The following AGBL4 variants were observed in gnomAD, a reference collection of about 807,000 sequenced individuals.
The protein encoded by AGBL4 is cytosolic carboxypeptidase 6.
Under a neutral mutation model 66.4 loss-of-function variants are expected in AGBL4, and 58 were observed. That is an observed-to-expected ratio of 0.87 (90% confidence interval 0.71 to 1.09). AGBL4 has a LOEUF of 1.09. AGBL4 is among the 50% of genes least tolerant of loss of function. The pLI is 0.00. For missense variants in AGBL4, 579 were observed against 631.0 expected, an observed-to-expected ratio of 0.92 and a Z score of 0.88; for synonymous variants, 234 against 222.9, an observed-to-expected ratio of 1.05 and a Z score of -0.44.
At chr1:49,586,573 A>G (rs542657872) in intron 3 of AGBL4, among the ~76,000 whole-genome samples, 2 of 152,310 alleles carry the variant, frequency 1.3e-5, no homozygotes, top group South Asian at 2.1e-4. Context: ...AATTTATACA[A>G]TTAGATAAAA....
chr1:48,572,611 C>T (rs1337734786), intron 11 of AGBL4, among the ~76,000 whole-genome samples: 4 of 151,470 alleles, frequency 2.6e-5, no homozygotes, highest in African/African-American at 4.9e-5. Flanking sequence ...GAAAACAAAA[C>T]GGGGAATGAA....
At chr1:48,638,425 T>C (rs1200918812) in intron 8 of AGBL4, among the ~76,000 whole-genome samples, 1 of 152,254 alleles carries the variant, frequency 6.6e-6, no homozygotes, top group Non-Finnish European at 1.5e-5. Context: ...CCACTCTGAC[T>C]TTCTGGATTG....
intron 3 of AGBL4, among the ~76,000 whole-genome samples, chr1:49,617,532 A>C (rs890897067): frequency 3.3e-5 from 5 of 152,300 alleles, no homozygotes; most frequent in Admixed American, 1.3e-4. Flanking sequence ...TGTGATTCTA[A>C]AGTTTATGTT....
chr1:49,258,653 A>G (rs1009148578), intron 3 of AGBL4, among the ~76,000 whole-genome samples: 2 of 152,262 alleles, frequency 1.3e-5, no homozygotes, highest in African/African-American at 4.8e-5. Context: ...ATATGGGACT[A>G]TGTGAAAATA....
At chr1:49,514,156 C>A (rs1007840661) in intron 3 of AGBL4, among the ~76,000 whole-genome samples, 1 of 151,856 alleles carries the variant, frequency 6.6e-6, no homozygotes, top group Non-Finnish European at 1.5e-5. Flanking sequence ...ACAATCATGT[C>A]ATCTGCAAAC....
chr1:49,565,750 A>T (rs1000695485), intron 3 of AGBL4, among the ~76,000 whole-genome samples: 7 of 150,106 alleles, frequency 4.7e-5, no homozygotes, highest in Admixed American at 2.7e-4. Context: ...TTTCCATTTC[A>T]TCTTTGGTGA....
At chr1:48,558,550 C>T (rs753633342) in intron 11 of AGBL4, among the ~76,000 whole-genome samples, 2 of 152,180 alleles carry the variant, frequency 1.3e-5, no homozygotes, top group African/African-American at 2.4e-5. Flanking sequence ...TGGCATATGG[C>T]CCATACCTGA....
chr1:48,817,665 C>T (rs1375189663), intron 6 of AGBL4: 1 of 206,002 alleles, frequency 4.9e-6, no homozygotes, highest in African/African-American at 2.3e-5. Flanking sequence ...CTTTGGTCAA[C>T]TAGAATCCCA....
chr1:48,819,478 C>A (rs1646262526), intron 6 of AGBL4, among the ~76,000 whole-genome samples: 1 of 152,094 alleles, frequency 6.6e-6, no homozygotes, highest in Admixed American at 6.6e-5. Context: ...GAGTCATATG[C>A]CAAGAAGGTC....
chr1:49,844,362 C>T (rs777619343), intron 2 of AGBL4, among the ~76,000 whole-genome samples: 4 of 152,194 alleles, frequency 2.6e-5, no homozygotes, highest in Admixed American at 6.5e-5. Context: ...TCTCCCTGGG[C>T]ATCCCCTCTG....
intron 4 of AGBL4, among the ~76,000 whole-genome samples, chr1:49,147,148 G>A (rs2148111152): frequency 6.6e-6 from 1 of 152,240 alleles, no homozygotes; most frequent in Non-Finnish European, 1.5e-5. Context: ...AGAAATATCT[G>A]CTAGTCTTAA....
intron 9 of AGBL4, among the ~76,000 whole-genome samples, chr1:48,626,408 G>A (rs745935893): frequency 3.9e-5 from 6 of 152,314 alleles, no homozygotes; most frequent in East Asian, 3.9e-4. Context: ...GGAAACTAAC[G>A]TTTATGGAGT....
intron 1 of AGBL4, among the ~76,000 whole-genome samples, chr1:50,014,431 C>T (rs968887964): frequency 6.6e-6 from 1 of 151,724 alleles, no homozygotes. Context: ...TTGCTTTGGA[C>T]CTGCTCTAAT....
intron 8 of AGBL4, among the ~76,000 whole-genome samples, chr1:48,642,414 A>G (rs1413495446): frequency 1.3e-5 from 2 of 151,862 alleles, no homozygotes; most frequent in Admixed American, 6.6e-5. Context: ...CAGAGCATAT[A>G]CTCCAGGGAT....
intron 8 of AGBL4, among the ~76,000 whole-genome samples, chr1:48,650,120 G>C (rs1014786157): frequency 1.3e-5 from 2 of 152,208 alleles, no homozygotes; most frequent in African/African-American, 4.8e-5. Context: ...CTCAGGGCAG[G>C]CCTGTCTTTG....
intron 5 of AGBL4, among the ~76,000 whole-genome samples, chr1:48,973,730 T>C (rs565105094): frequency 6.6e-6 from 1 of 152,284 alleles, no homozygotes; most frequent in East Asian, 1.9e-4. Flanking sequence ...CCTAGACATA[T>C]CTTACTGCAT....
chr1:49,257,586 C>T (rs560463687), intron 3 of AGBL4: 2 of 152,864 alleles, frequency 1.3e-5, no homozygotes, highest in African/African-American at 4.8e-5. Context: ...CTTTCCTTGA[C>T]CAGGAAAGGG....
At chr1:49,472,398 A>G (rs991642172) in intron 3 of AGBL4, among the ~76,000 whole-genome samples, 1 of 152,082 alleles carries the variant, frequency 6.6e-6, no homozygotes, top group Non-Finnish European at 1.5e-5. Context: ...ATTTTAAAGT[A>G]GCCATCATCA....
intron 5 of AGBL4, among the ~76,000 whole-genome samples, chr1:49,003,338 T>C (rs3122296): frequency 0.56 from 84,862 of 151,840 alleles, 24,220 homozygotes; most frequent in Non-Finnish European, 0.61. Flanking sequence ...GCAGAGGTTG[T>C]AGTGAGCCGA....
Sources: gnomAD v4.1 joint callset for allele counts (sites outside exome capture counted in the v4.1 genomes callset) on GRCh38, gnomAD v4.1.1 for gene constraint, MANE v1.5 for transcripts, NCBI Gene and HGNC (gene_info 2026-07-23, HGNC 2026-07-21) for gene names.